Variants in QTMAN observed in about 807,000 individuals in gnomAD.
The protein encoded by QTMAN is tRNA-queuosine alpha-mannosyltransferase.
the QTMAN span, among the ~76,000 whole-genome samples, chr2:144,119,337 T>C: frequency 2.6e-5 from 4 of 152,226 alleles, no homozygotes; most frequent in African/African-American, 4.8e-5. Flanking sequence ...TGAGGAACTA[T>C]TGCCTTTCTA....
chr2:144,283,149 G>A, the QTMAN span, among the ~76,000 whole-genome samples: 1 of 152,200 alleles, frequency 6.6e-6, no homozygotes, highest in Non-Finnish European at 1.5e-5. Context: ...CCAAGAAGGT[G>A]CTGGTGGGCA....
At chr2:144,240,216 T>C in the QTMAN span, among the ~76,000 whole-genome samples, 1 of 152,180 alleles carries the variant, frequency 6.6e-6, no homozygotes, top group African/African-American at 2.4e-5. Context: ...TAACAGTCTG[T>C]AGGAATCAAA....
the QTMAN span, among the ~76,000 whole-genome samples, chr2:144,239,138 A>G: frequency 9.9e-5 from 15 of 152,138 alleles, no homozygotes; most frequent in South Asian, 2.9e-3. Flanking sequence ...GACAACCAAA[A>G]AGACAGATAT....
At chr2:144,269,454 T>C in the QTMAN span, among the ~76,000 whole-genome samples, 1 of 152,150 alleles carries the variant, frequency 6.6e-6, no homozygotes, top group Non-Finnish European at 1.5e-5. Flanking sequence ...TTAACTTTTT[T>C]TATTTTTTGC....
chr2:144,320,973 T>C, the QTMAN span, among the ~76,000 whole-genome samples: 1 of 152,218 alleles, frequency 6.6e-6, no homozygotes, highest in African/African-American at 2.4e-5. Flanking sequence ...TTTTTGTTAT[T>C]TGAGTTCAGT....
the QTMAN span, among the ~76,000 whole-genome samples, chr2:144,088,360 T>C: frequency 9.3e-3 from 1,419 of 152,078 alleles, 22 homozygotes; most frequent in African/African-American, 0.032. Context: ...CACTTATGGA[T>C]TGGAAGAATT....
the QTMAN span, among the ~76,000 whole-genome samples, chr2:143,992,521 G>A: frequency 6.7e-6 from 1 of 150,154 alleles, no homozygotes; most frequent in Admixed American, 6.6e-5. Context: ...AAACACCCAA[G>A]AATGATCAAT....
chr2:143,984,187 A>C, the QTMAN span, among the ~76,000 whole-genome samples: 1 of 152,352 alleles, frequency 6.6e-6, no homozygotes, highest in South Asian at 2.1e-4. Context: ...TTGGGGGAGT[A>C]AACTGTTATT....
chr2:144,107,254 A>G, the QTMAN span, among the ~76,000 whole-genome samples: 1 of 152,198 alleles, frequency 6.6e-6, no homozygotes, highest in East Asian at 1.9e-4. Flanking sequence ...AATAACTAAG[A>G]TCAGAGCAGA....
chr2:144,066,754 T>G, the QTMAN span, among the ~76,000 whole-genome samples: 1 of 152,232 alleles, frequency 6.6e-6, no homozygotes, highest in South Asian at 2.1e-4. Context: ...AGGCGGAAGT[T>G]GCAGTGAGCT....
the QTMAN span, among the ~76,000 whole-genome samples, chr2:143,981,036 T>C: frequency 6.6e-6 from 1 of 152,218 alleles, no homozygotes; most frequent in African/African-American, 2.4e-5. Context: ...TACTTTAAAT[T>C]TGTTACTTGC....
chr2:144,263,133 G>C, the QTMAN span, among the ~76,000 whole-genome samples: 10 of 151,492 alleles, frequency 6.6e-5, no homozygotes, highest in African/African-American at 2.4e-4. Flanking sequence ...TACACAGCAA[G>C]TTTTCAGGAT....
At chr2:144,064,551 T>C in the QTMAN span, among the ~76,000 whole-genome samples, 2 of 152,178 alleles carry the variant, frequency 1.3e-5, no homozygotes, top group African/African-American at 2.4e-5. Flanking sequence ...CACAGGAACC[T>C]GCGTTTGAGG....
the QTMAN span, among the ~76,000 whole-genome samples, chr2:144,291,527 T>C: frequency 4.9e-4 from 75 of 152,256 alleles, no homozygotes; most frequent in Admixed American, 1.1e-3. Context: ...AACCTGAAGC[T>C]AGAATGTGAC....
At chr2:144,311,000 C>T in the QTMAN span, among the ~76,000 whole-genome samples, 3 of 152,170 alleles carry the variant, frequency 2.0e-5, no homozygotes, top group Non-Finnish European at 4.4e-5. Context: ...TATATCAGGG[C>T]TTCAGCACTG....
At chr2:144,219,296 A>G in the QTMAN span, among the ~76,000 whole-genome samples, 1 of 151,946 alleles carries the variant, frequency 6.6e-6, no homozygotes, top group East Asian at 1.9e-4. Flanking sequence ...ATGCTTGGCT[A>G]ATTTTTGTGT....
At chr2:143,966,749 A>G in the QTMAN span, among the ~76,000 whole-genome samples, 3 of 152,270 alleles carry the variant, frequency 2.0e-5, no homozygotes, top group African/African-American at 7.2e-5. Context: ...TTTTAGGAAA[A>G]AGATTACAAA....
At chr2:143,980,590 T>C in the QTMAN span, among the ~76,000 whole-genome samples, 7 of 152,308 alleles carry the variant, frequency 4.6e-5, no homozygotes, top group African/African-American at 9.6e-5. Flanking sequence ...CAGATGAATA[T>C]AGAGAATCTT....
the QTMAN span, among the ~76,000 whole-genome samples, chr2:144,106,312 A>C: frequency 6.6e-6 from 1 of 152,220 alleles, no homozygotes; most frequent in Non-Finnish European, 1.5e-5. Context: ...CAGACTGGCA[A>C]ATCGGACAAA....
Sources: allele counts gnomAD v4.1 joint callset (sites outside exome capture counted in the v4.1 genomes callset), GRCh38; gene constraint gnomAD v4.1.1; transcripts MANE v1.5; gene names NCBI Gene and HGNC (gene_info 2026-07-23, HGNC 2026-07-21).